ITPR2: variants seen among roughly 807,000 people sequenced by gnomAD.
ITPR2 encodes inositol 1,4,5-trisphosphate receptor type 2, also known as inositol 1,4,5-trisphosphate-gated calcium channel ITPR2.
A neutral mutation model predicts 317.1 loss-of-function variants in ITPR2; 207 were observed. That is an observed-to-expected ratio of 0.65 (90% CI 0.58 to 0.73). The LOEUF is 0.73. Ranked by LOEUF, ITPR2 falls within the 30% of genes least tolerant of loss-of-function variation. The probability of loss-of-function intolerance (pLI) is 0.00; values close to 1 mark genes in which losing one functional copy is unlikely to be tolerated. For missense variants in ITPR2, 2,613 were observed against 3,284.0 expected (o/e 0.80, Z 4.99); for synonymous variants, 1,156 against 1,149.1 (o/e 1.01, Z -0.12).
chr12:26,412,441 T>A (rs940155265), intron 51 of ITPR2, among the ~76,000 whole-genome samples: 1 of 152,106 alleles, frequency 6.6e-6, no homozygotes, highest in Non-Finnish European at 1.5e-5. Flanking sequence ...GGTGTGCGGG[T>A]GTGGGGGGTC....
chr12:26,419,421 C>G, intron 49 of ITPR2: 1 of 488,528 alleles, frequency 2.0e-6, no homozygotes, highest in Non-Finnish European at 3.6e-6. Context: ...TTCAGCATTG[C>G]TTACAAACTG....
At chr12:26,439,349 C>A (rs768313408) in intron 46 of ITPR2, 30 bp from the exon 47 acceptor site, 1 of 1,514,130 alleles carries the variant, frequency 6.6e-7, no homozygotes, top group Non-Finnish European at 9.0e-7. Context: ...TTGTTTTTAG[C>A]CTTTCGGACA....
intron 8 of ITPR2, among the ~76,000 whole-genome samples, chr12:26,712,634 TACACACACAC>T (rs67872654): frequency 0.14 from 21,003 of 148,936 alleles, 2,320 homozygotes; most frequent in African/African-American, 0.31. Context: ...TTGTCTCAAA[TACACACACAC>T]ACACACACAC....
chr12:26,531,726 C>T (rs1943951712), intron 37 of ITPR2, among the ~76,000 whole-genome samples: 1 of 151,944 alleles, frequency 6.6e-6, no homozygotes, highest in Non-Finnish European at 1.5e-5. Context: ...TTTTCCTGTA[C>T]AGTCAGTGAA....
At chr12:26,701,191 C>G (rs11048661) in intron 9 of ITPR2, among the ~76,000 whole-genome samples, 2 of 151,932 alleles carry the variant, frequency 1.3e-5, no homozygotes, top group Non-Finnish European at 2.9e-5. Flanking sequence ...GAAAGTCATG[C>G]TTGTACCGCA....
At chr12:26,818,398 A>G (rs113684647) in intron 1 of ITPR2, among the ~76,000 whole-genome samples, 2 of 152,338 alleles carry the variant, frequency 1.3e-5, no homozygotes, top group East Asian at 1.9e-4. Context: ...GAAAGGATCC[A>G]TTTGGTTTCT....
At chr12:26,470,821 G>A (rs1942276416) in intron 45 of ITPR2, among the ~76,000 whole-genome samples, 1 of 152,168 alleles carries the variant, frequency 6.6e-6, no homozygotes. Flanking sequence ...TTATCCTAGA[G>A]AAATAATCAG....
chr12:26,339,416 T>A lies in ITPR2; in HGVS notation c.8087A>T (p.His2696Leu), dbSNP rs370471674. ...ATGGTATCAGTGTGGTGGCATGTGA[T>A]GATTCACATGGGGTGTGTTTGATCC... is the stretch of plus-strand genomic sequence containing the variant. ...FLGSNTPHVN[H>L]HMPPH The change falls in exon 57 of 57, where the codon CAT becomes CTT. Residue 2696 changes from histidine (H) to leucine (L), a missense_variant. His to Leu is a moderately conservative substitution (Grantham distance 99). Coordinates refer to ENST00000381340, the MANE Select transcript of ITPR2 (RefSeq NM_002223.4). The A allele has an allele frequency of 1.6e-5, 26 of 1,613,166 alleles. No individual in the cohort carries two copies. The highest frequency in any genetic ancestry group is 2.1e-5 in the Non-Finnish European group (25 of 1,179,280).
chr12:26,827,637 G>A (rs979639047), intron 1 of ITPR2, among the ~76,000 whole-genome samples: 1 of 152,118 alleles, frequency 6.6e-6, no homozygotes, highest in African/African-American at 2.4e-5. Context: ...TTATTTACAT[G>A]CTAAACATTG....
intron 21 of ITPR2, among the ~76,000 whole-genome samples, chr12:26,650,563 T>A (rs1477904704): frequency 6.6e-6 from 1 of 152,164 alleles, no homozygotes; most frequent in African/African-American, 2.4e-5. Context: ...AAAAAATCTC[T>A]GTATCTTCCT....
At chr12:26,702,258 C>T (rs1948457260) in intron 9 of ITPR2, among the ~76,000 whole-genome samples, 1 of 152,068 alleles carries the variant, frequency 6.6e-6, no homozygotes, top group Non-Finnish European at 1.5e-5. Flanking sequence ...CAGAAACCAA[C>T]ATTGCAAGAG....
At chr12:26,528,317 A>G (rs1359671808) in intron 37 of ITPR2, among the ~76,000 whole-genome samples, 1 of 152,200 alleles carries the variant, frequency 6.6e-6, no homozygotes, top group African/African-American at 2.4e-5. Flanking sequence ...AGAACCACAA[A>G]GGATGTTGGA....
chr12:26,359,318 T>G (rs1430374589), intron 55 of ITPR2, among the ~76,000 whole-genome samples: 1 of 152,172 alleles, frequency 6.6e-6, no homozygotes, highest in Admixed American at 6.5e-5. Flanking sequence ...GTGCACCATA[T>G]TAATGCTAAC....
At chr12:26,666,280 T>C (rs764004362) in intron 13 of ITPR2, among the ~76,000 whole-genome samples, 1 of 152,164 alleles carries the variant, frequency 6.6e-6, no homozygotes, top group Non-Finnish European at 1.5e-5. Flanking sequence ...AGTATTTAAT[T>C]GACAAAAGAT....
intron 2 of ITPR2, among the ~76,000 whole-genome samples, chr12:26,747,690 ACT>A (rs560058887): frequency 3.8e-4 from 57 of 150,768 alleles, no homozygotes; most frequent in African/African-American, 1.4e-3. Flanking sequence ...TCCTTGCTTG[ACT>A]CTCCCCTTCC....
At position 26,486,350 on chromosome 12, in the gene ITPR2, T is replaced by G. The variant is rs1412372613; in HGVS notation, c.5565A>C (p.Ser1855=). 1 of 1,611,794 alleles carries G rather than the reference T, an allele frequency of 6.2e-7. No individual in the cohort carries two copies. The highest frequency in any genetic ancestry group is 1.1e-5 in the South Asian group (1 of 91,000). Residue 1855 remains serine, a synonymous_variant, in exon 41 of 57, where the codon TCA becomes TCC. Transcript: ENST00000381340. ...TSGPRMRVRD[S]TLHLKEGMKG... ...TCATTCCCTCTTTTAAATGTAGTGT[T>G]GAATCTCTTACTGAAAACAAAGCAG...
At chr12:26,516,511 G>C (rs988063001) in intron 37 of ITPR2, among the ~76,000 whole-genome samples, 2 of 151,916 alleles carry the variant, frequency 1.3e-5, no homozygotes, top group Non-Finnish European at 2.9e-5. Flanking sequence ...TCAACTGAAA[G>C]AATATATATA....
intron 22 of ITPR2, among the ~76,000 whole-genome samples, chr12:26,629,352 T>TGA (rs1226216208): frequency 2.0e-5 from 3 of 152,150 alleles, no homozygotes; most frequent in Non-Finnish European, 4.4e-5. Flanking sequence ...TTTGGGAGGC[T>TGA]GAGACAAAGG....
chr12:26,560,739 T>A (rs1316536248), intron 35 of ITPR2, among the ~76,000 whole-genome samples: 3 of 152,228 alleles, frequency 2.0e-5, no homozygotes, highest in Non-Finnish European at 4.4e-5. Context: ...TCCCCAAAAT[T>A]TTTAATGTCT....
Sources: allele counts gnomAD v4.1 joint callset (sites outside exome capture counted in the v4.1 genomes callset), GRCh38; gene constraint gnomAD v4.1.1; transcripts MANE v1.5; gene names NCBI Gene and HGNC (gene_info 2026-07-23, HGNC 2026-07-21).